PLSCR4: variants seen among roughly 807,000 people sequenced by gnomAD.
PLSCR4 encodes the protein Ca(2+)-dependent phospholipid scramblase 4.
A neutral mutation model predicts 36.3 loss-of-function variants in PLSCR4; 25 were observed. The ratio of observed to expected loss-of-function variants is 0.69; its 90% confidence interval spans 0.50 to 0.96. The LOEUF is 0.96. PLSCR4 is among the 40% of genes least tolerant of loss of function. PLSCR4 has a pLI of 0.00. For synonymous variants in PLSCR4, 122 were observed against 132.9 expected (o/e 0.92, Z 0.56); for missense variants, 408 against 414.7 (o/e 0.98, Z 0.14).
intron 1 of PLSCR4, among the ~76,000 whole-genome samples, chr3:146,227,362 G>A (rs1311983935): frequency 6.6e-6 from 1 of 152,178 alleles, no homozygotes; most frequent in Non-Finnish European, 1.5e-5. Flanking sequence ...CAAGGTTGCT[G>A]AGATTGAGGT....
Position 146,214,322 on chromosome 3 carries a change from C to T in PLSCR4, c.118+6493G>A, listed in dbSNP as rs1490837639. Among the ~76,000 whole-genome samples the T allele has an allele frequency of 8.3e-5, 2 of 24,192 alleles. 1 individual carries two copies. Among genetic ancestry groups the T allele is most frequent in the Non-Finnish European group, 2.0e-4 (2 of 9,808 alleles). 15.9% of individuals were successfully genotyped at this position (24,192 alleles called of 152,430 possible). A position where few individuals can be genotyped will look rare whatever the true frequency, so the allele number is the denominator to read the frequency against. On this transcript the variant is annotated intron_variant, in intron 3 of 8. Transcript: ENST00000354952. ...ATTTTTAGTAGAGACGGGGTTTCAC[C>T]GTTTTTTAGCCGGGATGGTCTCGAT...
At chr3:146,231,621 C>A (rs1476269114) in intron 1 of PLSCR4, among the ~76,000 whole-genome samples, 2 of 151,978 alleles carry the variant, frequency 1.3e-5, no homozygotes, top group African/African-American at 4.8e-5. Context: ...CTGATGCTGA[C>A]CCTGTTTTCT....
chr3:146,202,465 TA>T (rs1028782022), intron 4 of PLSCR4, among the ~76,000 whole-genome samples: 1 of 152,042 alleles, frequency 6.6e-6, no homozygotes, highest in African/African-American at 2.4e-5. Flanking sequence ...ACTTTATTGC[TA>T]AAAACTGCTA....
chr3:146,196,843 C>T lies in PLSCR4; in HGVS notation c.625-50G>A, dbSNP rs761605863. On this transcript the variant is annotated intron_variant, in intron 6 of 8. Transcript: ENST00000354952. ...TTAGGATGCTACATGCATACACATA[C>T]ACTTACACATACGCACATACACAAT... The T allele has an allele frequency of 2.6e-6, 4 of 1,515,632 alleles. No individual in the cohort carries two copies. The Admixed American group carries it at 6.9e-5, about 26-fold the overall frequency. The allele number at this position is 1,515,632 out of a possible 1,614,324, so 93.9% of individuals were successfully genotyped here.
chr3:146,249,933 T>C (rs6805377), intron 1 of PLSCR4, among the ~76,000 whole-genome samples: 117,589 of 151,732 alleles, frequency 0.77, 46,654 homozygotes, highest in Non-Finnish European at 0.86. Context: ...AGTTTATGTA[T>C]AAACATCAAC....
chr3:146,212,151 T>C (rs576328471), intron 3 of PLSCR4, among the ~76,000 whole-genome samples: 68 of 152,254 alleles, frequency 4.5e-4, no homozygotes, highest in Non-Finnish European at 8.2e-4. Context: ...TATTTACTTT[T>C]CAAATCTGTA....
intron 1 of PLSCR4, among the ~76,000 whole-genome samples, chr3:146,229,342 TG>T (rs1330463048): frequency 1.3e-5 from 2 of 151,622 alleles, no homozygotes; most frequent in South Asian, 2.1e-4. Flanking sequence ...TCCAGGGGGG[TG>T]GGGGCCTTGA....
intron 1 of PLSCR4, among the ~76,000 whole-genome samples, chr3:146,236,491 G>C (rs981128056): frequency 1.3e-5 from 2 of 152,082 alleles, no homozygotes; most frequent in Non-Finnish European, 2.9e-5. Context: ...TTGTGGGAGG[G>C]ACCCAGTGGG....
intron 1 of PLSCR4, among the ~76,000 whole-genome samples, chr3:146,233,227 T>A (rs2035789938): frequency 6.6e-6 from 1 of 152,158 alleles, no homozygotes; most frequent in African/African-American, 2.4e-5. Context: ...CTCGGCCACA[T>A]ACTATATTGG....
rs114079540 is a variant in PLSCR4, at chr3:146,250,231, T to C, written c.-22+729A>G. ...AGATGGAGGTTGTGTTCTATTACTATTACAGGAGAATGCAATTTAAATTAG... is the reference window on the plus strand; with the variant it reads ...AGATGGAGGTTGTGTTCTATTACTACTACAGGAGAATGCAATTTAAATTAG... On this transcript the variant is annotated intron_variant, in intron 1 of 8. Transcript: ENST00000354952. Among the ~76,000 whole-genome samples, 798 of 152,286 alleles carry C rather than the reference T, an allele frequency of 5.2e-3. 5 individuals carry two copies. The highest frequency in any genetic ancestry group is 8.1e-3 in the Non-Finnish European group (548 of 68,020).
intron 1 of PLSCR4, among the ~76,000 whole-genome samples, chr3:146,223,102 G>A (rs566360340): frequency 3.9e-5 from 6 of 151,994 alleles, no homozygotes; most frequent in Non-Finnish European, 7.4e-5. Flanking sequence ...ACTGGGGCAT[G>A]TTTAAGAAGA....
intron 1 of PLSCR4, among the ~76,000 whole-genome samples, chr3:146,233,459 A>G (rs116386523): frequency 0.01 from 1,523 of 152,262 alleles, 18 homozygotes; most frequent in African/African-American, 0.035. Flanking sequence ...ATTCTTATAA[A>G]TGAAAATTTC....
chr3:146,236,894 A>G (rs2035941676), intron 1 of PLSCR4, among the ~76,000 whole-genome samples: 1 of 152,224 alleles, frequency 6.6e-6, no homozygotes, highest in African/African-American at 2.4e-5. Context: ...TATACCATGT[A>G]TACACTAATA....
chr3:146,226,804 A>G (rs572697301), intron 1 of PLSCR4, among the ~76,000 whole-genome samples: 31 of 152,354 alleles, frequency 2.0e-4, no homozygotes, highest in Admixed American at 1.8e-3. Flanking sequence ...ATAACTTGAA[A>G]AAATAAATAA....
At chr3:146,201,965 C>G (rs183456319) in intron 4 of PLSCR4, among the ~76,000 whole-genome samples, 1 of 152,040 alleles carries the variant, frequency 6.6e-6, no homozygotes, top group South Asian at 2.1e-4. Flanking sequence ...GCCTGAAGTG[C>G]CATATTTCAC....
chr3:146,245,770 G>A (rs139147368), intron 1 of PLSCR4, among the ~76,000 whole-genome samples: 1 of 151,962 alleles, frequency 6.6e-6, no homozygotes, highest in Non-Finnish European at 1.5e-5. Flanking sequence ...TATAAACTGA[G>A]TTTTTAAAAT....
intron 4 of PLSCR4, among the ~76,000 whole-genome samples, chr3:146,203,444 G>A (rs1348146438): frequency 3.3e-5 from 5 of 151,976 alleles, no homozygotes; most frequent in Admixed American, 3.3e-4. Context: ...TTTTAGCTAT[G>A]AAAGTCCTAG....
Position 146,195,136 on chromosome 3 carries a change from A to T in PLSCR4, c.933T>A (p.Ala311=). 4.3e-6 allele frequency: 7 copies of T among 1,613,858 alleles called. No homozygotes were observed. Among genetic ancestry groups the T allele is most frequent in the Non-Finnish European group, 5.9e-6 (7 of 1,179,812 alleles). The part of the protein sequence containing the change: ...DVKMKAMIFG[A]CFLIDFMYFE... ...ATAGAAGGCTTACAATGAGGAAGCA[A>T]GCTCCAAAAATCATGGCTTTCATCT... is the stretch of plus-strand genomic sequence containing the variant. Residue 311 remains alanine, a synonymous_variant, in exon 8 of 9, where the codon GCT becomes GCA. Coordinates refer to ENST00000354952, the MANE Select transcript of PLSCR4 (RefSeq NM_020353.3).
chr3:146,192,593 T>C lies in PLSCR4; in HGVS notation c.*1818A>G, dbSNP rs2033450955. The stretch of plus-strand genomic sequence containing the variant: ...TAAAAATATCACGTCTTATGCTAAA[T>C]ATATATAGATATATTTATTATGATG... On this transcript the variant is annotated 3_prime_UTR_variant, in exon 9 of 9. Coordinates refer to ENST00000354952, the MANE Select transcript of PLSCR4 (RefSeq NM_020353.3). 6.6e-6 allele frequency: 1 copy of C among 151,792 alleles called. No homozygotes were observed. Among genetic ancestry groups the C allele is most frequent in the South Asian group, 2.1e-4 (1 of 4,826 alleles). The allele number at this position is 151,792 out of a possible 1,614,324, so 9.4% of individuals were successfully genotyped here.
Sources: gnomAD v4.1 joint callset for allele counts (sites outside exome capture counted in the v4.1 genomes callset) on GRCh38, gnomAD v4.1.1 for gene constraint, MANE v1.5 for transcripts, NCBI Gene and HGNC (gene_info 2026-07-23, HGNC 2026-07-21) for gene names.